SMOC1: variants seen among roughly 807,000 people sequenced by gnomAD.
SMOC1 encodes SPARC-related modular calcium-binding protein 1.
In SMOC1, 22 loss-of-function variants were observed where a neutral mutation model predicts 56.3. The observed-to-expected ratio is 0.39, with a 90% CI of 0.28 to 0.56. The LOEUF (loss-of-function observed/expected upper bound fraction) is 0.56, where lower values mean the gene tolerates loss of function less well. Ranked by LOEUF, SMOC1 falls within the 20% of genes least tolerant of loss-of-function variation. The probability of loss-of-function intolerance (pLI) is 0.61; values close to 1 mark genes in which losing one functional copy is unlikely to be tolerated. For missense variants in SMOC1, 509 were observed against 565.4 expected, an observed-to-expected ratio of 0.90 and a Z score of 1.01; for synonymous variants, 193 against 215.0, an observed-to-expected ratio of 0.90 and a Z score of 0.89.
rs1016150647 is a variant in SMOC1, at chr14:69,976,906, A to G, written c.479-1012A>G. On this transcript the variant is annotated intron_variant, in intron 4 of 11. Coordinates refer to ENST00000361956, the MANE Select transcript of SMOC1 (RefSeq NM_001034852.3). Reference sequence around the variant, plus strand: ...AAGGAAAAAGAAAGTGGAAAGGGCTATAAGAATCTACATCAGGAAACCCAA... The same window carrying G: ...AAGGAAAAAGAAAGTGGAAAGGGCTGTAAGAATCTACATCAGGAAACCCAA... Among the ~76,000 whole-genome samples, 21 of 152,368 alleles carry G rather than the reference A, an allele frequency of 1.4e-4. 1 individual carries two copies. The highest frequency in any genetic ancestry group is 4.6e-4 in the African/African-American group (19 of 41,582).
Position 69,978,797 on chromosome 14 carries a change from C to G in SMOC1, c.526+832C>G, listed in dbSNP as rs139696857. Reference sequence around the variant, plus strand: ...AAAGGCCCTGCATTTTTACTTTACACTGGGCCCCACAAGTGACGTAGCTGG... The same window carrying G: ...AAAGGCCCTGCATTTTTACTTTACAGTGGGCCCCACAAGTGACGTAGCTGG... On this transcript the variant is annotated intron_variant, in intron 5 of 11. Coordinates refer to ENST00000361956, the MANE Select transcript of SMOC1 (RefSeq NM_001034852.3). Among the ~76,000 whole-genome samples the G allele has an allele frequency of 1.5e-3, 236 of 152,262 alleles. 5 individuals carry two copies. The East Asian group carries it at 0.038, about 25-fold the overall frequency.
intron 1 of SMOC1, among the ~76,000 whole-genome samples, chr14:69,915,569 A>C (rs778728141): frequency 6.6e-6 from 1 of 152,116 alleles, no homozygotes. Context: ...AAAACTCCCT[A>C]TAATGGTCTA....
intron 3 of SMOC1, 85 bp from the exon 4 acceptor site, chr14:69,975,630 G>A: frequency 1.0e-6 from 1 of 965,424 alleles, no homozygotes; most frequent in South Asian, 1.3e-5. Flanking sequence ...CACCGTATGG[G>A]TGATGCTTTG....
intron 7 of SMOC1, among the ~76,000 whole-genome samples, chr14:70,002,979 C>A (rs910383971): frequency 3.3e-5 from 5 of 152,188 alleles, no homozygotes; most frequent in African/African-American, 1.2e-4. Context: ...GCAGTGCCTT[C>A]CTCTGCCAAA....
At position 69,934,810 on chromosome 14, in the gene SMOC1, A is replaced by G. The variant is rs137957724; in HGVS notation, c.100-17328A>G. Among the ~76,000 whole-genome samples the G allele has an allele frequency of 2.9e-3, 446 of 152,328 alleles. 4 individuals carry two copies. Among genetic ancestry groups the G allele is most frequent in the African/African-American group, 9.7e-3 (404 of 41,596 alleles). On this transcript the variant is annotated intron_variant, in intron 1 of 11. Transcript: ENST00000361956. The stretch of plus-strand genomic sequence containing the variant: ...CTTGGTCCTTGTTGGCTGACATATA[A>G]TGGAGCCATAGGTCTGGGTTTGAAT...
chr14:70,018,358 A>G (rs1293077539), intron 10 of SMOC1, among the ~76,000 whole-genome samples: 2 of 145,904 alleles, frequency 1.4e-5, no homozygotes, highest in Non-Finnish European at 3.0e-5. Flanking sequence ...AGTGGGAGGC[A>G]TCTACTCCCT....
intron 1 of SMOC1, among the ~76,000 whole-genome samples, chr14:69,895,254 C>T (rs1026090830): frequency 6.6e-6 from 1 of 152,170 alleles, no homozygotes; most frequent in Non-Finnish European, 1.5e-5. Flanking sequence ...ATTCTCATTT[C>T]CTGAAAAGGG....
chr14:69,890,744 A>G (rs1006234799), intron 1 of SMOC1, among the ~76,000 whole-genome samples: 6 of 152,222 alleles, frequency 3.9e-5, no homozygotes, highest in African/African-American at 1.4e-4. Flanking sequence ...GTTTTCAATT[A>G]ACCTCAGCAG....
intron 1 of SMOC1, among the ~76,000 whole-genome samples, chr14:69,946,208 A>T (rs554860656): frequency 4.4e-4 from 67 of 152,316 alleles, no homozygotes; most frequent in African/African-American, 1.6e-3. Context: ...GCATGTGTGC[A>T]TTTCAGATGG....
intron 5 of SMOC1, among the ~76,000 whole-genome samples, chr14:69,979,991 G>A (rs544921406): frequency 3.5e-4 from 53 of 152,332 alleles, no homozygotes; most frequent in African/African-American, 1.2e-3. Flanking sequence ...GGGGGATGTG[G>A]CTTTGCACCC....
intron 3 of SMOC1, among the ~76,000 whole-genome samples, chr14:69,972,641 C>T (rs554687510): frequency 1.3e-5 from 2 of 151,968 alleles, no homozygotes; most frequent in African/African-American, 2.4e-5. Flanking sequence ...CTGGGCCAGC[C>T]GGGAGCTGGG....
At chr14:69,921,561 G>A (rs1456469210) in intron 1 of SMOC1, among the ~76,000 whole-genome samples, 2 of 152,174 alleles carry the variant, frequency 1.3e-5, no homozygotes, top group African/African-American at 2.4e-5. Context: ...GGGCCTCACA[G>A]GTGAGTAGAC....
At chr14:70,023,563 C>T in intron 11 of SMOC1, 116 bp downstream of exon 11, 1 of 1,445,636 alleles carries the variant, frequency 6.9e-7, no homozygotes, top group Non-Finnish European at 9.7e-7. Flanking sequence ...CAATTATTTG[C>T]TGGAAGTGTG....
intron 3 of SMOC1, among the ~76,000 whole-genome samples, chr14:69,963,920 C>T (rs1234536027): frequency 6.6e-6 from 1 of 152,160 alleles, no homozygotes; most frequent in Non-Finnish European, 1.5e-5. Flanking sequence ...GGTCCCCATG[C>T]CCCCATCACC....
chr14:70,007,894 G>C (rs547180029), intron 7 of SMOC1, among the ~76,000 whole-genome samples: 1 of 152,244 alleles, frequency 6.6e-6, no homozygotes, highest in African/African-American at 2.4e-5. Flanking sequence ...TCTCTTTGCT[G>C]TAAGACAAAC....
intron 9 of SMOC1, among the ~76,000 whole-genome samples, 181 bp from the exon 10 acceptor site, chr14:70,013,205 G>C (rs1413320432): frequency 1.3e-5 from 2 of 152,194 alleles, no homozygotes; most frequent in South Asian, 2.1e-4. Flanking sequence ...GGTCCTTTGT[G>C]GGGTATGGGT....
rs186428394 is a variant in SMOC1 at position 70,005,456 on chromosome 14, T to C, written c.665-5298T>C. On this transcript the variant is annotated intron_variant, in intron 7 of 11. Coordinates refer to ENST00000361956, the MANE Select transcript of SMOC1 (RefSeq NM_001034852.3). The stretch of plus-strand genomic sequence containing the variant: ...TGTTTGTCTGGTCCAACCTCTTTTT[T>C]CCTCTCCTGTCTCCTGCCCTGCCCA... Among the ~76,000 whole-genome samples the C allele has an allele frequency of 4.1e-3, 620 of 152,238 alleles. 3 individuals are homozygous for C. The highest frequency in any genetic ancestry group is 0.014 in the African/African-American group (573 of 41,544).
At chr14:69,885,383 C>T (rs139403281) in intron 1 of SMOC1, 46,419 of 1,598,118 alleles carry the variant, frequency 0.029, 786 homozygotes, top group Non-Finnish European at 0.034. Context: ...TGCCTTTTTG[C>T]GCTTGGCGAT....
rs77193318 is a variant in SMOC1, at chr14:69,956,620, A to G, written c.378+3088A>G. Among the ~76,000 whole-genome samples, 1,399 of 152,090 alleles carry G rather than the reference A, an allele frequency of 9.2e-3. 22 individuals are homozygous for G. The highest frequency in any genetic ancestry group is 0.033 in the African/African-American group (1,362 of 41,476). The stretch of plus-strand genomic sequence containing the variant: ...TTATGGGGGGAGTGATGGCACTCTA[A>G]TGGGATTGGATTTGTCTGGCATGGG... On this transcript the variant is annotated intron_variant, in intron 3 of 11. Coordinates refer to ENST00000361956, the MANE Select transcript of SMOC1 (RefSeq NM_001034852.3).
Sources: gnomAD v4.1 joint callset for allele counts (sites outside exome capture counted in the v4.1 genomes callset) on GRCh38, gnomAD v4.1.1 for gene constraint, MANE v1.5 for transcripts, NCBI Gene and HGNC (gene_info 2026-07-23, HGNC 2026-07-21) for gene names.